Variants in WDR11 observed in about 807,000 individuals in gnomAD.
WDR11 encodes the protein WD repeat-containing protein 11.
A neutral mutation model predicts 151.2 loss-of-function variants in WDR11; 83 were observed. The observed-to-expected ratio is 0.55, with a 90% confidence interval of 0.46 to 0.66. WDR11 has a LOEUF of 0.66. Ranked by LOEUF, WDR11 falls within the 30% of genes least tolerant of loss-of-function variation. The probability of loss-of-function intolerance (pLI) is 0.00; values close to 1 mark genes in which losing one functional copy is unlikely to be tolerated. For missense variants in WDR11, 1,301 were observed against 1,480.9 expected (o/e 0.88, Z 1.99); for synonymous variants, 484 against 533.1 (o/e 0.91, Z 1.27).
At chr10:120,896,829 T>C (rs1200606841) in intron 19 of WDR11, among the ~76,000 whole-genome samples, 2 of 152,126 alleles carry the variant, frequency 1.3e-5, no homozygotes, top group Non-Finnish European at 2.9e-5. Flanking sequence ...TGGTAAAAAA[T>C]CATGACTTCT....
chr10:120,892,321 A>G (rs888569438), intron 19 of WDR11, among the ~76,000 whole-genome samples: 16 of 152,132 alleles, frequency 1.1e-4, no homozygotes, highest in African/African-American at 3.9e-4. Flanking sequence ...ATTCTTTTCA[A>G]TCTCTAATGT....
chr10:120,877,341 A>T (rs1846831038), intron 11 of WDR11, among the ~76,000 whole-genome samples: 1 of 152,206 alleles, frequency 6.6e-6, no homozygotes, highest in Non-Finnish European at 1.5e-5. Context: ...GCCATTTTGA[A>T]AATAATTTGT....
In WDR11 at chr10:120,903,158, G is replaced by A; in HGVS notation, c.2857G>A (p.Ala953Thr). ...AGCCAGCACAACAGCTCCTAAAGAA[G>A]CTGCTCCTCGAGACAAACTGAGCAA... ...KSASTTAPKEAAPRDKLSNPL... is the reference protein window; with the variant it reads ...KSASTTAPKETAPRDKLSNPL... Residue 953 changes from alanine to threonine, a missense_variant, in exon 23 of 29, where the codon GCT (alanine) becomes ACT (threonine). Ala to Thr is a moderately conservative substitution (Grantham distance 58, BLOSUM62 0). Around this residue, in one of 3 missense-constraint regions of WDR11, gnomAD observed 589 missense variants for 670.6 expected, o/e 0.88. Coordinates refer to ENST00000263461, the MANE Select transcript of WDR11 (RefSeq NM_018117.12). 6.2e-7 allele frequency: 1 copy of A among 1,614,202 alleles called. No individual in the cohort carries two copies. The highest frequency in any genetic ancestry group is 8.5e-7 in the Non-Finnish European group (1 of 1,180,038).
intron 9 of WDR11, among the ~76,000 whole-genome samples, chr10:120,869,852 C>T (rs529084401): frequency 4.1e-4 from 62 of 152,086 alleles, no homozygotes; most frequent in African/African-American, 1.5e-3. Context: ...TGCGGTGGCG[C>T]AATCTCGGCT....
In WDR11 at chr10:120,865,649, G is replaced by T. The variant is rs377167358; in HGVS notation, c.899G>T (p.Arg300Leu). 1 of 1,609,638 alleles carries T rather than the reference G, an allele frequency of 6.2e-7. No individual in the cohort carries two copies. Among genetic ancestry groups the T allele is most frequent in the Non-Finnish European group, 8.5e-7 (1 of 1,178,358 alleles). Residue 300 changes from arginine to leucine, a missense_variant, in exon 7 of 29, where the codon CGT (arginine) becomes CTT (leucine). Transcript: ENST00000263461. ...PFLQVIPCFQ[R>L]DGLFCLHENG... ...TTAAAGGTAATACCCTGCTTTCAGC[G>T]TGATGGTTTATTTTGTCTACATGAA...
At chr10:120,888,793 C>T (rs548862506) in intron 16 of WDR11, among the ~76,000 whole-genome samples, 1 of 151,620 alleles carries the variant, frequency 6.6e-6, no homozygotes, top group Non-Finnish European at 1.5e-5. Context: ...ACTTTAATTT[C>T]CCCCTTTTTT....
In WDR11 at chr10:120,906,846, G is replaced by A. The variant is rs150877121; in HGVS notation, c.3508G>A (p.Glu1170Lys). 7.4e-6 allele frequency: 12 copies of A among 1,614,192 alleles called. No individual in the cohort carries two copies. The highest frequency in any genetic ancestry group is 1.0e-5 in the Non-Finnish European group (12 of 1,180,018). Reference sequence around the variant, plus strand: ...CAAGTATGGAGCATTTGAAGTCACTGAGGACACAGATATCCTTTGCAAGGT... The same window carrying A: ...CAAGTATGGAGCATTTGAAGTCACTAAGGACACAGATATCCTTTGCAAGGT... ...CLKYGAFEVT[E>K]DTEKLITAIY... is the part of the protein sequence containing the mutation. Residue 1170 changes from glutamate (E) to lysine (K), a missense_variant, in exon 28 of 29, where the codon GAG (glutamate) becomes AAG (lysine). This residue lies in a region of WDR11 where 589 missense variants were observed against 670.6 expected (regional missense o/e 0.88). Transcript: ENST00000263461.
Position 120,908,945 on chromosome 10 carries a change from C to T in WDR11, c.*232C>T. ...GTGAATGCTTAAGATTTTGAAAGTA[C>T]ATAATATTTTATACTTTGGGAGAGA... On this transcript the variant is annotated 3_prime_UTR_variant, in exon 29 of 29. Coordinates refer to ENST00000263461, the MANE Select transcript of WDR11 (RefSeq NM_018117.12). 1 of 556,860 alleles carries T rather than the reference C, an allele frequency of 1.8e-6. No individual in the cohort carries two copies. The highest frequency in any genetic ancestry group is 3.2e-6 in the Non-Finnish European group (1 of 311,750). The allele number at this position is 556,860 out of a possible 1,614,324, so 34.5% of individuals were successfully genotyped here.
chr10:120,862,357 C>G (rs1846171369), intron 4 of WDR11: 1 of 202,844 alleles, frequency 4.9e-6, no homozygotes, highest in Non-Finnish European at 1.0e-5. Context: ...TCAGGCTGGT[C>G]TCGAACTCCT....
At chr10:120,890,236 G>T (rs990654687) in intron 18 of WDR11, among the ~76,000 whole-genome samples, 17 of 151,368 alleles carry the variant, frequency 1.1e-4, no homozygotes, top group African/African-American at 7.3e-5. Flanking sequence ...TTTTGATATG[G>T]AGTTTCACTC....
chr10:120,908,411 T>G, intron 28 of WDR11, 145 bp from the exon 29 acceptor site: 1 of 820,080 alleles, frequency 1.2e-6, no homozygotes, highest in Non-Finnish European at 2.1e-6. Flanking sequence ...GTCTCCTGTG[T>G]TCATCCTGTG....
intron 5 of WDR11, among the ~76,000 whole-genome samples, chr10:120,864,182 C>A (rs1282013722): frequency 6.6e-6 from 1 of 152,082 alleles, no homozygotes. Flanking sequence ...AACTGAGTCC[C>A]ACACCAATTT....
At chr10:120,886,648 G>A (rs1396920720) in intron 15 of WDR11, 41 bp from the exon 16 acceptor site, 11 of 1,579,126 alleles carry the variant, frequency 7.0e-6, no homozygotes, top group Admixed American at 5.2e-5. Context: ...CACTCTAGGG[G>A]AAAAAAAAAC....
chr10:120,893,567 C>G (rs1425760190), intron 19 of WDR11, among the ~76,000 whole-genome samples: 2 of 151,572 alleles, frequency 1.3e-5, no homozygotes, highest in African/African-American at 4.9e-5. Context: ...ATTTCTAGTT[C>G]TAGATCCCTG....
At chr10:120,860,012 G>C in intron 3 of WDR11, 97 bp from the exon 4 acceptor site, 1 of 1,418,574 alleles carries the variant, frequency 7.0e-7, no homozygotes, top group Non-Finnish European at 9.9e-7. Flanking sequence ...AGTTTTTAAA[G>C]ATTATATTTT....
chr10:120,905,289 C>T, intron 25 of WDR11, 30 bp from the exon 26 acceptor site: 1 of 1,608,188 alleles, frequency 6.2e-7, no homozygotes, highest in Non-Finnish European at 8.5e-7. Flanking sequence ...GCTGCAGTGT[C>T]ACTTAAGGGG....
At position 120,905,402 on chromosome 10, in the gene WDR11, G is replaced by A. The variant is rs201115287; in HGVS notation, c.3277G>A (p.Ala1093Thr). ...GACATACGGCGAGTGGAATCGGGCT[G>A]CATGGCTGGCAAAAGTAGGTGGTTC... ...LQTYGEWNRA[A>T]WLAKVRLNPE... The change falls in exon 26 of 29, where the codon GCA becomes ACA. Residue 1093 changes from alanine to threonine, a missense_variant. Transcript: ENST00000263461. 1.5e-5 allele frequency: 24 copies of A among 1,614,158 alleles called. 1 individual carries two copies. In the East Asian group the frequency reaches 3.6e-4, roughly 24 times the overall value.
At position 120,889,185 on chromosome 10, in the gene WDR11, G is replaced by A; in HGVS notation, c.2228+1G>A. The A allele has an allele frequency of 6.3e-7, 1 of 1,578,612 alleles. No individual in the cohort carries two copies. The highest frequency in any genetic ancestry group is 2.2e-5 in the East Asian group (1 of 44,662). ...GGGACTTGAAAGGCAGAGTATCCAGGTATAAGCCAAGAATGAAATCTTGTT... is the reference window on the plus strand; with the variant it reads ...GGGACTTGAAAGGCAGAGTATCCAGATATAAGCCAAGAATGAAATCTTGTT... On this transcript the variant is annotated splice_donor_variant, in intron 17 of 28. Coordinates refer to ENST00000263461, the MANE Select transcript of WDR11 (RefSeq NM_018117.12). LOFTEE classifies it high-confidence loss of function.
intron 15 of WDR11, 117 bp from the exon 16 acceptor site, chr10:120,886,572 A>G: frequency 7.5e-7 from 1 of 1,327,166 alleles, no homozygotes; most frequent in African/African-American, 1.5e-5. Flanking sequence ...CAGACTTTTA[A>G]AAAAATAGTT....
Sources: allele counts gnomAD v4.1 joint callset (sites outside exome capture counted in the v4.1 genomes callset), GRCh38; gene constraint gnomAD v4.1.1; regional missense constraint gnomAD v4.1.1; transcripts MANE v1.5; gene names NCBI Gene and HGNC (gene_info 2026-07-23, HGNC 2026-07-21).